Variants in WDFY4 observed in about 807,000 individuals in gnomAD.
The protein encoded by WDFY4 is WDFY family member 4.
Under a neutral mutation model 351.9 loss-of-function variants are expected in WDFY4, and 169 were observed. The ratio of observed to expected loss-of-function variants is 0.48; its 90% CI spans 0.42 to 0.55. The LOEUF is 0.55. Ranked by LOEUF, WDFY4 falls within the 20% of genes least tolerant of loss-of-function variation. The pLI, the probability that WDFY4 is intolerant of heterozygous loss-of-function variation, is 0.00. For missense variants in WDFY4, 3,803 were observed against 3,935.6 expected (o/e 0.97, Z 0.90); for synonymous variants, 1,622 against 1,574.6 (o/e 1.03, Z -0.71).
intron 6 of WDFY4, 129 bp from the exon 7 acceptor site, chr10:48,727,341 G>A: frequency 1.0e-6 from 1 of 994,698 alleles, no homozygotes; most frequent in Non-Finnish European, 1.4e-6. Flanking sequence ...AGAGCCAGCA[G>A]AACATGTTTT....
intron 38 of WDFY4, among the ~76,000 whole-genome samples, 155 bp downstream of exon 38, chr10:48,831,040 T>A (rs2068172727): frequency 1.3e-5 from 2 of 152,156 alleles, no homozygotes; most frequent in South Asian, 4.1e-4. Context: ...ATCTTATGTA[T>A]CTTTCCTCAC....
At chr10:48,838,714 A>G (rs1421130811) in intron 39 of WDFY4, among the ~76,000 whole-genome samples, 1 of 152,134 alleles carries the variant, frequency 6.6e-6, no homozygotes, top group Non-Finnish European at 1.5e-5. Context: ...CTTCCCCCCT[A>G]TGCACTGAAT....
chr10:48,792,372 A>G (rs2066713717), intron 23 of WDFY4, among the ~76,000 whole-genome samples: 3 of 152,164 alleles, frequency 2.0e-5, no homozygotes, highest in Non-Finnish European at 4.4e-5. Context: ...CAGTCTACAC[A>G]TCTCTACTGG....
chr10:48,805,127 C>T, intron 25 of WDFY4, 133 bp from the exon 26 acceptor site: 1 of 1,097,626 alleles, frequency 9.1e-7, no homozygotes, highest in East Asian at 2.6e-5. Context: ...GGCATCTTGA[C>T]AAATTGCCAA....
chr10:48,968,817 T>C (rs983516399), intron 55 of WDFY4: 30 of 501,176 alleles, frequency 6.0e-5, no homozygotes, highest in Admixed American at 4.7e-4. Context: ...TGAGGGAGGA[T>C]GGGAATTGTG....
At chr10:48,721,455 G>A (rs1589451317) in intron 4 of WDFY4, 88 bp downstream of exon 4, 1 of 1,182,582 alleles carries the variant, frequency 8.5e-7, no homozygotes, top group East Asian at 2.6e-5. Flanking sequence ...CATATCCCAA[G>A]AGGGTCATTC....
chr10:48,780,167 G>A, intron 19 of WDFY4, 48 bp downstream of exon 19: 1 of 1,544,800 alleles, frequency 6.5e-7, no homozygotes. Flanking sequence ...CATACCTCCT[G>A]CTACTACCCT....
At chr10:48,923,277 G>A (rs1839258199) in intron 47 of WDFY4, among the ~76,000 whole-genome samples, 1 of 151,866 alleles carries the variant, frequency 6.6e-6, no homozygotes, top group South Asian at 2.1e-4. Flanking sequence ...GTGTACCACA[G>A]GGAACAGATG....
chr10:48,778,016 A>G (rs1050045676), intron 17 of WDFY4, among the ~76,000 whole-genome samples: 1 of 152,206 alleles, frequency 6.6e-6, no homozygotes, highest in Non-Finnish European at 1.5e-5. Context: ...GAATAGACCA[A>G]TCTTTGGCAA....
intron 29 of WDFY4, 26 bp from the exon 30 acceptor site, chr10:48,811,513 T>C: frequency 6.5e-7 from 1 of 1,550,140 alleles, no homozygotes. Flanking sequence ...CAGCTGACTT[T>C]TGTGCCCCCT....
At chr10:48,932,927 G>C (rs1011789640) in intron 47 of WDFY4, among the ~76,000 whole-genome samples, 4 of 152,172 alleles carry the variant, frequency 2.6e-5, no homozygotes, top group Non-Finnish European at 5.9e-5. Context: ...TCAAGGAGGG[G>C]AGGGCGAAGA....
intron 57 of WDFY4, among the ~76,000 whole-genome samples, chr10:48,972,064 TA>T (rs973737071): frequency 5.9e-5 from 9 of 152,300 alleles, no homozygotes; most frequent in African/African-American, 2.2e-4. Context: ...ATCGACCTCA[TA>T]AAAATGTAAT....
At chr10:48,823,949 C>A (rs1249199456) in intron 35 of WDFY4, 1 of 985,468 alleles carries the variant, frequency 1.0e-6, no homozygotes, top group Non-Finnish European at 1.2e-6. Flanking sequence ...AGAAACATTG[C>A]GTTACCTGTG....
At chr10:48,913,600 C>T (rs1236307899) in intron 47 of WDFY4, 4 of 1,613,878 alleles carry the variant, frequency 2.5e-6, no homozygotes, top group Non-Finnish European at 3.4e-6. Context: ...ATGAATATTT[C>T]CGACTCACCT....
intron 39 of WDFY4, among the ~76,000 whole-genome samples, chr10:48,861,860 T>C (rs1261641554): frequency 6.6e-6 from 1 of 152,156 alleles, no homozygotes; most frequent in Non-Finnish European, 1.5e-5. Context: ...GTCCTATAGG[T>C]AGCTAAGACT....
intron 11 of WDFY4, 149 bp from the exon 12 acceptor site, chr10:48,742,819 C>T: frequency 1.4e-6 from 1 of 713,394 alleles, no homozygotes; most frequent in Non-Finnish European, 2.3e-6. Flanking sequence ...ATATGGAGAT[C>T]CCAATGTTTC....
intron 51 of WDFY4, 52 bp downstream of exon 51, chr10:48,947,021 T>G: frequency 1.2e-6 from 1 of 843,818 alleles, no homozygotes; most frequent in Non-Finnish European, 1.7e-6. Context: ...CACACACACA[T>G]ACGCCTGTAT....
intron 12 of WDFY4, among the ~76,000 whole-genome samples, chr10:48,749,008 T>G (rs12242587): frequency 0.015 from 2,310 of 152,288 alleles, 62 homozygotes; most frequent in African/African-American, 0.052. Context: ...TTCTCTAATC[T>G]TCCATCTCCT....
intron 43 of WDFY4, among the ~76,000 whole-genome samples, chr10:48,889,621 T>C (rs1266156705): frequency 6.6e-6 from 1 of 152,202 alleles, no homozygotes; most frequent in Non-Finnish European, 1.5e-5. Context: ...TGTTCTAGAA[T>C]TTATTGATTC....
Sources: allele counts gnomAD v4.1 joint callset (sites outside exome capture counted in the v4.1 genomes callset), GRCh38; gene constraint gnomAD v4.1.1; transcripts MANE v1.5; gene names NCBI Gene and HGNC (gene_info 2026-07-23, HGNC 2026-07-21).